Variants in MBD2 observed in about 807,000 individuals in gnomAD.
MBD2 encodes the protein methyl-CpG-binding domain protein 2.
In MBD2, 9 loss-of-function variants were observed where a neutral mutation model predicts 39.3. The observed-to-expected ratio is 0.23, with a 90% CI of 0.14 to 0.40. The LOEUF (loss-of-function observed/expected upper bound fraction) is 0.40, where lower values mean the gene tolerates loss of function less well. Ranked by LOEUF, MBD2 falls within the 10% of genes least tolerant of loss-of-function variation. MBD2 has a pLI of 1.00. For missense variants in MBD2, 458 were observed against 532.6 expected (o/e 0.86, Z 1.38); for synonymous variants, 233 against 211.1 (o/e 1.10, Z -0.90).
chr18:54,166,146 T>G lies in MBD2; in HGVS notation c.861A>C (p.Leu287=). 6.2e-7 allele frequency: 1 copy of G among 1,613,550 alleles called. No homozygotes were observed. The highest frequency in any genetic ancestry group is 8.5e-7 in the Non-Finnish European group (1 of 1,179,514). Reference sequence around the variant, plus strand: ...TTACATCTGATGCACTAAGTCCTTGTAGCCTCTTCTCCCAGAAAAGCTGTA... The same window carrying G: ...TTACATCTGATGCACTAAGTCCTTGGAGCCTCTTCTCCCAGAAAAGCTGTA... ...QPRQLFWEKR[L]QGLSASDVTE... Residue 287 remains leucine, a synonymous_variant, in exon 4 of 7, where the codon CTA becomes CTC. Coordinates refer to ENST00000256429, the MANE Select transcript of MBD2 (RefSeq NM_003927.5).
At chr18:54,203,975 C>T (rs1366446835) in intron 2 of MBD2, among the ~76,000 whole-genome samples, 2 of 152,216 alleles carry the variant, frequency 1.3e-5, no homozygotes, top group African/African-American at 4.8e-5. Context: ...ACTGAAGGCC[C>T]TTGGAGCCTA....
chr18:54,219,131 C>T (rs1258702041), intron 1 of MBD2, among the ~76,000 whole-genome samples: 3 of 152,128 alleles, frequency 2.0e-5, no homozygotes, highest in Non-Finnish European at 4.4e-5. Context: ...ATTCAAATGC[C>T]GATTTCTCAC....
At chr18:54,206,076 GCTCT>G (rs1321345170) in intron 1 of MBD2, among the ~76,000 whole-genome samples, 4 of 151,896 alleles carry the variant, frequency 2.6e-5, no homozygotes, top group East Asian at 1.9e-4. Flanking sequence ...ATATTTAAAT[GCTCT>G]CTAATACTAC....
intron 1 of MBD2, among the ~76,000 whole-genome samples, chr18:54,216,212 T>A (rs944061543): frequency 6.6e-6 from 1 of 152,182 alleles, no homozygotes; most frequent in Non-Finnish European, 1.5e-5. Context: ...AGGTAATATA[T>A]ATACATCAAC....
At chr18:54,198,664 T>C (rs1291482317) in intron 2 of MBD2, among the ~76,000 whole-genome samples, 1 of 152,208 alleles carries the variant, frequency 6.6e-6, no homozygotes, top group Non-Finnish European at 1.5e-5. Context: ...TGAACTGTGA[T>C]TGCACCACTG....
At chr18:54,165,653 G>C (rs573485025) in intron 4 of MBD2, among the ~76,000 whole-genome samples, 1 of 152,200 alleles carries the variant, frequency 6.6e-6, no homozygotes, top group Non-Finnish European at 1.5e-5. Flanking sequence ...TTTGTGGAGG[G>C]AGGGGCAGAA....
chr18:54,201,149 G>A (rs975282141), intron 2 of MBD2, among the ~76,000 whole-genome samples: 1 of 152,110 alleles, frequency 6.6e-6, no homozygotes, highest in Non-Finnish European at 1.5e-5. Context: ...AGCCACCTGT[G>A]GCTGAAAAGA....
At chr18:54,211,469 CCTT>C (rs1049175295) in intron 1 of MBD2, among the ~76,000 whole-genome samples, 28 of 152,132 alleles carry the variant, frequency 1.8e-4, no homozygotes, top group South Asian at 1.7e-3. Context: ...CCCTGTACCT[CCTT>C]AACTCCTTTC....
At chr18:54,194,437 T>C (rs1407101309) in intron 2 of MBD2, among the ~76,000 whole-genome samples, 1 of 151,942 alleles carries the variant, frequency 6.6e-6, no homozygotes, top group Non-Finnish European at 1.5e-5. Context: ...ACCATAAAGC[T>C]CTTAGTGATA....
At chr18:54,163,049 G>A (rs576377470) in intron 5 of MBD2, among the ~76,000 whole-genome samples, 25 of 152,126 alleles carry the variant, frequency 1.6e-4, no homozygotes, top group African/African-American at 5.5e-4. Context: ...TGAGGCAGGC[G>A]GATCATGATG....
chr18:54,204,586 G>C (rs114988780), intron 2 of MBD2, among the ~76,000 whole-genome samples: 2 of 151,968 alleles, frequency 1.3e-5, no homozygotes, highest in African/African-American at 2.4e-5. Context: ...CATCATCAAA[G>C]GTCAAAAAAA....
chr18:54,170,772 T>A (rs2086174170), intron 3 of MBD2, among the ~76,000 whole-genome samples: 1 of 152,068 alleles, frequency 6.6e-6, no homozygotes, highest in Non-Finnish European at 1.5e-5. Flanking sequence ...AAAACTAACT[T>A]CAATTTGGGA....
rs1477913004 is a variant in MBD2, at chr18:54,224,501, G to A, written c.59C>T (p.Ala20Val). ...CCPEQEEGESAAGGSGAGGDS... is the reference protein window; with the variant it reads ...CCPEQEEGESVAGGSGAGGDS... ...GCCGCCAGCGCCGCTGCCGCCCGCC[G>A]CACTCTCCCCCTCCTCCTGCTCCGG... The change falls in exon 1 of 7, where the codon GCG (alanine) becomes GTG (valine). Residue 20 changes from alanine (A) to valine (V), a missense_variant. By Grantham distance (64) the Ala-to-Val change is moderately conservative. Coordinates refer to ENST00000256429, the MANE Select transcript of MBD2 (RefSeq NM_003927.5). The A allele has an allele frequency of 8.1e-7, 1 of 1,231,898 alleles. No homozygotes were observed. The allele number at this position is 1,231,898 out of a possible 1,614,324, so 76.3% of individuals were successfully genotyped here.
intron 1 of MBD2, among the ~76,000 whole-genome samples, chr18:54,211,386 T>TACACACAC (rs1402095105): frequency 1.7e-4 from 11 of 64,852 alleles, no homozygotes; most frequent in African/African-American, 5.1e-4. Context: ...ATATTATTGC[T>TACACACAC]ATACACACAC....
intron 4 of MBD2, among the ~76,000 whole-genome samples, chr18:54,165,251 C>T (rs1408742016): frequency 6.6e-6 from 1 of 152,146 alleles, no homozygotes; most frequent in Non-Finnish European, 1.5e-5. Context: ...GTGGCTTTAA[C>T]AGCTTTTTTC....
chr18:54,166,436 A>G (rs2144283823), intron 3 of MBD2, among the ~76,000 whole-genome samples: 1 of 152,342 alleles, frequency 6.6e-6, no homozygotes, highest in Non-Finnish European at 1.5e-5. Context: ...TACTATGTAT[A>G]GTTTCTTATA....
intron 2 of MBD2, chr18:54,202,786 T>TA: frequency 6.5e-7 from 1 of 1,532,494 alleles, no homozygotes. Flanking sequence ...ATTAAGTACC[T>TA]ACCGTGTGCA....
At chr18:54,187,627 G>C in intron 3 of MBD2, 1 of 941,026 alleles carries the variant, frequency 1.1e-6, no homozygotes, top group Non-Finnish European at 1.3e-6. Flanking sequence ...ACAGAAAGCT[G>C]AATGGCCCAA....
intron 6 of MBD2, among the ~76,000 whole-genome samples, chr18:54,158,878 T>G (rs2086073700): frequency 6.6e-6 from 1 of 152,174 alleles, no homozygotes; most frequent in Non-Finnish European, 1.5e-5. Context: ...TCCGCCTGCC[T>G]TGGCATGCCA....
Sources: allele counts gnomAD v4.1 joint callset (sites outside exome capture counted in the v4.1 genomes callset), GRCh38; gene constraint gnomAD v4.1.1; transcripts MANE v1.5; gene names NCBI Gene and HGNC (gene_info 2026-07-23, HGNC 2026-07-21).